The following ZNF638 variants were observed in gnomAD, a reference collection of about 807,000 sequenced individuals.
ZNF638 encodes the protein CTCL tumor antigen se33-1.
Under a neutral mutation model 195.6 loss-of-function variants are expected in ZNF638, and 46 were observed. The observed-to-expected ratio is 0.24, with a 90% CI of 0.19 to 0.30. The LOEUF (loss-of-function observed/expected upper bound fraction) is 0.30. Among genes scored for constraint, ZNF638 ranks in the 10% least tolerant of loss-of-function variants. ZNF638 has a pLI of 1.00. For missense variants in ZNF638, 2,440 were observed against 2,325.3 expected, an observed-to-expected ratio of 1.05 and a Z score of -1.01; for synonymous variants, 845 against 772.0, an observed-to-expected ratio of 1.09 and a Z score of -1.57.
chr2:71,370,277 AAG>A (rs1347081120), intron 8 of ZNF638, among the ~76,000 whole-genome samples: 1 of 152,194 alleles, frequency 6.6e-6, no homozygotes, highest in Non-Finnish European at 1.5e-5. Flanking sequence ...TAGGTCACAA[AAG>A]AGAACATTTG....
intron 21 of ZNF638, among the ~76,000 whole-genome samples, chr2:71,419,817 C>CAT (rs1359679821): frequency 6.6e-6 from 1 of 152,014 alleles, no homozygotes; most frequent in East Asian, 1.9e-4. Flanking sequence ...AGTTGTTCTC[C>CAT]ATAGCAATAG....
intron 23 of ZNF638, 139 bp from the exon 24 acceptor site, chr2:71,426,320 TC>T (rs1308876347): frequency 1.6e-6 from 1 of 623,258 alleles, no homozygotes; most frequent in Non-Finnish European, 2.7e-6. Context: ...AAAAAACAAC[TC>T]TTAATTTTAG....
At chr2:71,351,751 A>G (rs1408811737) in intron 2 of ZNF638, among the ~76,000 whole-genome samples, 1 of 152,210 alleles carries the variant, frequency 6.6e-6, no homozygotes, top group Admixed American at 6.5e-5. Flanking sequence ...GTAAAATTTT[A>G]GATGTTATTA....
rs546552711 is a variant in ZNF638, at chr2:71,433,234, A to G, written c.5822A>G (p.Lys1941Arg). 2 of 1,614,170 alleles carry G rather than the reference A, an allele frequency of 1.2e-6. No homozygotes were observed. Among genetic ancestry groups the G allele is most frequent in the African/African-American group, 2.7e-5 (2 of 75,056 alleles). The change falls in exon 27 of 28, where the codon AAA (lysine) becomes AGA (arginine). Residue 1941 changes from lysine (K) to arginine (R), a missense_variant. Physicochemically the swap from Lys to Arg is conservative, Grantham distance 26. Coordinates refer to ENST00000264447, the MANE Select transcript of ZNF638 (RefSeq NM_014497.5). ...PICSLFYSGEKAMTNHCKSTR... is the reference protein window; with the variant it reads ...PICSLFYSGERAMTNHCKSTR... Reference sequence around the variant, plus strand: ...TGTTCCCTCTTCTACTCAGGTGAAAAAGCAATGACAAATCACTGCAAGAGT... The same window carrying G: ...TGTTCCCTCTTCTACTCAGGTGAAAGAGCAATGACAAATCACTGCAAGAGT...
intron 25 of ZNF638, among the ~76,000 whole-genome samples, chr2:71,429,464 C>T (rs993321682): frequency 2.6e-5 from 4 of 152,144 alleles, no homozygotes; most frequent in African/African-American, 7.2e-5. Flanking sequence ...TCCTTGCTTT[C>T]GTTTTTATTT....
At chr2:71,375,053 T>C (rs2079395583) in intron 8 of ZNF638, 1 of 152,228 alleles carries the variant, frequency 6.6e-6, no homozygotes, top group Non-Finnish European at 1.5e-5. Flanking sequence ...TATTTTTACA[T>C]ATAGCTATTA....
Position 71,406,339 on chromosome 2 carries a change from C to A in ZNF638, c.3135+77C>A, listed in dbSNP as rs1276795235. On this transcript the variant is annotated intron_variant, in intron 19 of 27. Transcript: ENST00000264447. The stretch of plus-strand genomic sequence containing the variant: ...AACCCTGTATTCTGACAATCTGCAA[C>A]TTCTGATCTGAAGCACCTGTAAATA... 3.1e-6 allele frequency: 4 copies of A among 1,303,312 alleles called. No individual in the cohort carries two copies. In the African/African-American group the frequency reaches 4.3e-5, roughly 14 times the overall value. The allele number at this position is 1,303,312 out of a possible 1,614,324, so 80.7% of individuals were successfully genotyped here.
chr2:71,397,331 A>T (rs2079913398), intron 11 of ZNF638, among the ~76,000 whole-genome samples: 1 of 152,192 alleles, frequency 6.6e-6, no homozygotes, highest in Non-Finnish European at 1.5e-5. Flanking sequence ...TTAAGGGCTC[A>T]CTGAGGCTCA....
intron 10 of ZNF638, chr2:71,388,806 G>A (rs1046112748): frequency 6.5e-6 from 5 of 774,270 alleles, no homozygotes; most frequent in African/African-American, 3.4e-5. Flanking sequence ...ACAGCTGTCC[G>A]CACAACAGAA....
At position 71,401,976 on chromosome 2, in the gene ZNF638, G is replaced by A. The variant is rs376818026; in HGVS notation, c.2718G>A (p.Val906=). Residue 906 remains valine, a synonymous_variant, in exon 16 of 28, where the codon GTG becomes GTA. Coordinates refer to ENST00000264447, the MANE Select transcript of ZNF638 (RefSeq NM_014497.5). ...TGAAGGAAACAGAAGAAATGTGTGT[G>A]ATGCTTGTCTCTAATTTGCCTAATA... ...PLNKETEEMC[V]MLVSNLPNKG... The A allele has an allele frequency of 2.5e-6, 4 of 1,590,314 alleles. No individual in the cohort carries two copies. The African/African-American group carries it at 4.1e-5, about 16-fold the overall frequency.
chr2:71,408,036 T>C (rs1042695629), intron 19 of ZNF638, 86 bp from the exon 20 acceptor site: 3 of 1,319,010 alleles, frequency 2.3e-6, no homozygotes, highest in African/African-American at 3.0e-5. Flanking sequence ...AGGTGTATAC[T>C]AAAAAGTGGA....
chr2:71,390,514 G>A (rs6729375), intron 10 of ZNF638, among the ~76,000 whole-genome samples: 137,018 of 152,186 alleles, frequency 0.9, 61,745 homozygotes, highest in East Asian at 0.99. Context: ...TTATGATGGA[G>A]TGTAAAGGTC....
At position 71,404,007 on chromosome 2, in the gene ZNF638, GACC is replaced by G; in HGVS notation, c.2958+14_2958+16del. On this transcript the variant is annotated intron_variant, in intron 17 of 27. Coordinates refer to ENST00000264447, the MANE Select transcript of ZNF638 (RefSeq NM_014497.5). ...TGAATATAAAAGATGAGGTAAATCA[GACC>G]ACCATTTTTACTAGCTCTTACTAAG... 2 of 1,598,538 alleles carry G rather than the reference GACC, an allele frequency of 1.3e-6. No homozygotes were observed. Among genetic ancestry groups the G allele is most frequent in the Non-Finnish European group, 1.7e-6 (2 of 1,174,606 alleles).
At chr2:71,365,996 A>G (rs1185337241) in intron 6 of ZNF638, among the ~76,000 whole-genome samples, 1 of 152,198 alleles carries the variant, frequency 6.6e-6, no homozygotes, top group Non-Finnish European at 1.5e-5. Context: ...ATGAGCCACT[A>G]TGCCTGGCTT....
In ZNF638 at chr2:71,422,225, C is replaced by T. The variant is rs892212284; in HGVS notation, c.3300-589C>T. 4.6e-5 allele frequency among the ~76,000 whole-genome samples: 7 copies of T among 151,722 alleles called. No individual in the cohort carries two copies. The East Asian group carries it at 1.4e-3, about 29-fold the overall frequency. On this transcript the variant is annotated intron_variant, in intron 21 of 27. Transcript: ENST00000264447. The stretch of plus-strand genomic sequence containing the variant: ...TCCTCAATAGAGTATATAAAGAATA[C>T]TTTCCAAATAATGTTCTAAGTATTA...
chr2:71,338,378 GT>G, intron 1 of ZNF638, among the ~76,000 whole-genome samples: 1 of 152,258 alleles, frequency 6.6e-6, no homozygotes, highest in African/African-American at 2.4e-5. Context: ...TATGGACTCT[GT>G]TTTTTCCAGT....
intron 19 of ZNF638, 166 bp from the exon 20 acceptor site, chr2:71,407,956 T>A: frequency 1.8e-6 from 1 of 556,268 alleles, no homozygotes; most frequent in Non-Finnish European, 3.0e-6. Flanking sequence ...TCCCTTTGTC[T>A]GTTGTGAATA....
rs377250665 is a variant in ZNF638 at position 71,371,325 on chromosome 2, A to G, written c.2265+1320A>G. 3.9e-5 allele frequency among the ~76,000 whole-genome samples: 6 copies of G among 152,138 alleles called. No individual in the cohort carries two copies. In the South Asian group the frequency reaches 8.3e-4, roughly 21 times the overall value. On this transcript the variant is annotated intron_variant, in intron 8 of 27. Transcript: ENST00000264447. ...AACATGGGAGTACAGATACCTCTTC[A>G]ATATACTGATTTCTTTTCTTTTGGG... is the stretch of plus-strand genomic sequence containing the variant.
rs537751834 is a variant in ZNF638, at chr2:71,411,243, C to T, written c.3261+2996C>T. On this transcript the variant is annotated intron_variant, in intron 20 of 27. Coordinates refer to ENST00000264447, the MANE Select transcript of ZNF638 (RefSeq NM_014497.5). The stretch of plus-strand genomic sequence containing the variant: ...TCGAACTCCTGACCTCATGATCTGC[C>T]TGCCTCAGCCTTCCAAAGTGCTGGG... Among the ~76,000 whole-genome samples, 76 of 151,052 alleles carry T rather than the reference C, an allele frequency of 5.0e-4. 1 individual carries two copies. Among genetic ancestry groups the T allele is most frequent in the Middle Eastern group, 6.8e-3 (2 of 292 alleles).
Sources: gnomAD v4.1 joint callset for allele counts (sites outside exome capture counted in the v4.1 genomes callset) on GRCh38, gnomAD v4.1.1 for gene constraint, MANE v1.5 for transcripts, NCBI Gene and HGNC (gene_info 2026-07-23, HGNC 2026-07-21) for gene names.